The following FAM20B variants were observed in gnomAD, a reference collection of about 807,000 sequenced individuals.
The protein encoded by FAM20B is glycosaminoglycan xylosylkinase.
A neutral mutation model predicts 43.8 loss-of-function variants in FAM20B; 23 were observed. The observed-to-expected ratio is 0.53, with a 90% CI of 0.38 to 0.74. The LOEUF (loss-of-function observed/expected upper bound fraction) is 0.74. Ranked by LOEUF, FAM20B falls within the 30% of genes least tolerant of loss-of-function variation. FAM20B has a pLI of 0.00. For synonymous variants in FAM20B, 178 were observed against 192.4 expected (o/e 0.93, Z 0.62); for missense variants, 440 against 510.5 (o/e 0.86, Z 1.33).
intron 3 of FAM20B, 75 bp downstream of exon 3, chr1:179,050,440 C>T (rs1572546095): frequency 2.0e-6 from 2 of 1,000,982 alleles, no homozygotes; most frequent in Admixed American, 1.8e-5. Flanking sequence ...CTCGTGGACT[C>T]CTTCAGAAGG....
rs1043935228 is a variant in FAM20B at position 179,073,771 on chromosome 1, G to C, written c.*1627G>C. The stretch of plus-strand genomic sequence containing the variant: ...TGTATTATGCTTCTTTCTCCTCTTA[G>C]CACTCTCAAATTTCAGGTTTGTAAA... On this transcript the variant is annotated 3_prime_UTR_variant, in exon 8 of 8. Coordinates refer to ENST00000263733, the MANE Select transcript of FAM20B (RefSeq NM_014864.4). 6.6e-6 allele frequency: 1 copy of C among 152,176 alleles called. No homozygotes were observed. Among genetic ancestry groups the C allele is most frequent in the Non-Finnish European group, 1.5e-5 (1 of 68,040 alleles). 9.4% of individuals were successfully genotyped at this position (152,176 alleles called of 1,614,324 possible).
the FAM20B span, among the ~76,000 whole-genome samples, chr1:179,020,327 A>G: frequency 2.0e-5 from 3 of 152,120 alleles, no homozygotes; most frequent in Non-Finnish European, 2.9e-5. Flanking sequence ...AGGCTTCTGT[A>G]TGTCTAAGCC....
At chr1:179,047,824 T>G (rs1158832746) in intron 2 of FAM20B, among the ~76,000 whole-genome samples, 2 of 152,230 alleles carry the variant, frequency 1.3e-5, no homozygotes, top group African/African-American at 2.4e-5. Flanking sequence ...CTGATGTCCT[T>G]CAGCAGAAGG....
At chr1:179,027,189 T>C (rs1471017326) in intron 1 of FAM20B, among the ~76,000 whole-genome samples, 1 of 152,210 alleles carries the variant, frequency 6.6e-6, no homozygotes, top group Non-Finnish European at 1.5e-5. Context: ...TTTATAAATC[T>C]ATAATCTGGT....
chr1:179,064,042 T>A lies in FAM20B; in HGVS notation c.690T>A (p.Pro230=), dbSNP rs1182717291. The A allele has an allele frequency of 1.9e-6, 3 of 1,613,954 alleles. No individual in the cohort carries two copies. Among genetic ancestry groups the A allele is most frequent in the Non-Finnish European group, 2.5e-6 (3 of 1,179,934 alleles). The part of the protein sequence containing the change: ...SVTLWLPDVW[P]LQKHRHPWGR... The stretch of plus-strand genomic sequence containing the variant: ...CACTTTGGCTTCCAGATGTGTGGCC[T>A]CTGCAGAAGCACCGTCACCCATGGG... The change falls in exon 5 of 8, where the codon CCT becomes CCA. Residue 230 remains proline (P), a synonymous_variant. Coordinates refer to ENST00000263733, the MANE Select transcript of FAM20B (RefSeq NM_014864.4).
At chr1:179,035,003 G>T (rs1650160880) in intron 1 of FAM20B, among the ~76,000 whole-genome samples, 1 of 152,176 alleles carries the variant, frequency 6.6e-6, no homozygotes, top group Non-Finnish European at 1.5e-5. Flanking sequence ...TGACCTCAGA[G>T]GTAGTATTGT....
chr1:179,068,481 G>A (rs1223048928), intron 7 of FAM20B, among the ~76,000 whole-genome samples: 1 of 152,002 alleles, frequency 6.6e-6, no homozygotes, highest in Admixed American at 6.5e-5. Flanking sequence ...TGTCACCCAG[G>A]CTAGAGTACA....
At chr1:179,044,857 A>AT (rs1650699387) in intron 2 of FAM20B, among the ~76,000 whole-genome samples, 1 of 152,220 alleles carries the variant, frequency 6.6e-6, no homozygotes, top group African/African-American at 2.4e-5. Context: ...AGTACGTTTC[A>AT]TTTTGTAAAA....
chr1:179,065,385 C>T (rs1398502742), intron 6 of FAM20B, among the ~76,000 whole-genome samples: 1 of 152,042 alleles, frequency 6.6e-6, no homozygotes, highest in African/African-American at 2.4e-5. Context: ...GCTCTGCTTG[C>T]CTCGACCTCT....
At chr1:179,051,727 A>G (rs1458089709) in intron 3 of FAM20B, among the ~76,000 whole-genome samples, 2 of 152,116 alleles carry the variant, frequency 1.3e-5, no homozygotes, top group African/African-American at 2.4e-5. Context: ...GCTTACTGCA[A>G]CCTCGACGTC....
In FAM20B at chr1:179,031,845, T is replaced by C. The variant is rs184095930; in HGVS notation, c.-134+5747T>C. ...ACTAATTTTCCAAACTGAAAACAGT[T>C]GTGAAAGGCATTCTATTTTAGCCTT... On this transcript the variant is annotated intron_variant, in intron 1 of 7. Coordinates refer to ENST00000263733, the MANE Select transcript of FAM20B (RefSeq NM_014864.4). Among the ~76,000 whole-genome samples, 144 of 152,360 alleles carry C rather than the reference T, an allele frequency of 9.5e-4. 1 individual carries two copies. Among genetic ancestry groups the C allele is most frequent in the Middle Eastern group, 6.8e-3 (2 of 294 alleles).
chr1:179,042,817 C>G (rs1052912418), intron 1 of FAM20B, among the ~76,000 whole-genome samples: 1 of 152,114 alleles, frequency 6.6e-6, no homozygotes, highest in African/African-American at 2.4e-5. Flanking sequence ...CCCTTGTGCA[C>G]GCAGGTTGTC....
intron 1 of FAM20B, among the ~76,000 whole-genome samples, 156 bp from the exon 2 acceptor site, chr1:179,043,559 C>T (rs956701459): frequency 1.4e-4 from 22 of 152,174 alleles, no homozygotes; most frequent in African/African-American, 3.6e-4. Flanking sequence ...ATCATTAGGT[C>T]CTTCTCCAGA....
rs1003167487 is a variant in FAM20B, at chr1:179,026,077, G to C, written c.-155G>C. On this transcript the variant is annotated 5_prime_UTR_variant, in exon 1 of 8. Coordinates refer to ENST00000263733, the MANE Select transcript of FAM20B (RefSeq NM_014864.4). ...GCACCGCACCGCGCGGGCGGCCATG[G>C]AGCGAGCCTAGGGCCCGACAGGTGA... is the stretch of plus-strand genomic sequence containing the variant. 15 of 144,540 alleles carry C rather than the reference G, an allele frequency of 1.0e-4. No individual in the cohort carries two copies. In the East Asian group the frequency reaches 3.1e-3, roughly 30 times the overall value. 9.0% of individuals were successfully genotyped at this position (144,540 alleles called of 1,614,324 possible).
chr1:179,067,095 A>T (rs1380564553), intron 7 of FAM20B, among the ~76,000 whole-genome samples: 1 of 151,984 alleles, frequency 6.6e-6, no homozygotes, highest in Non-Finnish European at 1.5e-5. Flanking sequence ...TTGTATGTAT[A>T]CAGTAATACA....
At chr1:179,065,770 C>T (rs780219535) in intron 6 of FAM20B, among the ~76,000 whole-genome samples, 6 of 152,232 alleles carry the variant, frequency 3.9e-5, no homozygotes, top group Non-Finnish European at 7.3e-5. Context: ...GCTTTGTCCA[C>T]TCGGGCCGCT....
chr1:179,065,073 T>A (rs1651633513), intron 6 of FAM20B, among the ~76,000 whole-genome samples: 1 of 152,138 alleles, frequency 6.6e-6, no homozygotes, highest in African/African-American at 2.4e-5. Context: ...TTTTTAGGCC[T>A]GAGCTATTTG....
At chr1:179,051,701 C>T (rs1449597885) in intron 3 of FAM20B, among the ~76,000 whole-genome samples, 1 of 152,088 alleles carries the variant, frequency 6.6e-6, no homozygotes, top group Non-Finnish European at 1.5e-5. Flanking sequence ...GACTGGAGTG[C>T]AGTAGCCTGA....
rs1209693802 is a variant in FAM20B, at chr1:179,075,178, C to T, written c.*3034C>T. 2 of 149,370 alleles carry T rather than the reference C, an allele frequency of 1.3e-5. No individual in the cohort carries two copies. The highest frequency in any genetic ancestry group is 2.0e-4 in the East Asian group (1 of 5,112). 9.3% of individuals were successfully genotyped at this position (149,370 alleles called of 1,614,324 possible). A position where few individuals can be genotyped will look rare whatever the true frequency, so the allele number is the denominator to read the frequency against. ...CTGCACTCCAGCCTGGGAGACAGAG[C>T]GAGACTCTGTCTTAAAAAAAAAAAA... On this transcript the variant is annotated 3_prime_UTR_variant, in exon 8 of 8. Transcript: ENST00000263733.
Sources: allele counts gnomAD v4.1 joint callset (sites outside exome capture counted in the v4.1 genomes callset), GRCh38; gene constraint gnomAD v4.1.1; transcripts MANE v1.5; gene names NCBI Gene and HGNC (gene_info 2026-07-23, HGNC 2026-07-21).